ARHGAP23: variants seen among roughly 807,000 people sequenced by gnomAD.
ARHGAP23 encodes Rho GTPase activating protein 23, also known as rho GTPase-activating protein 23.
In ARHGAP23, 34 loss-of-function variants were observed where a neutral mutation model predicts 136.3. That is an observed-to-expected ratio of 0.25 (90% CI 0.19 to 0.33). The LOEUF (loss-of-function observed/expected upper bound fraction) is 0.33. Among genes scored for constraint, ARHGAP23 ranks in the 10% least tolerant of loss-of-function variants. The probability of loss-of-function intolerance (pLI) is 1.00; values close to 1 mark genes in which losing one functional copy is unlikely to be tolerated. For missense variants in ARHGAP23, 1,808 were observed against 2,139.0 expected, an observed-to-expected ratio of 0.85 and a Z score of 3.05; for synonymous variants, 832 against 920.5, an observed-to-expected ratio of 0.90 and a Z score of 1.74.
chr17:38,445,419 G>A (rs1200220698), intron 1 of ARHGAP23, among the ~76,000 whole-genome samples: 1 of 151,664 alleles, frequency 6.6e-6, no homozygotes, highest in East Asian at 1.9e-4. Flanking sequence ...AGAGGTTGCA[G>A]TGAGCTGAGA....
chr17:38,460,226 C>T (rs1235844686), intron 2 of ARHGAP23, among the ~76,000 whole-genome samples: 2 of 152,200 alleles, frequency 1.3e-5, no homozygotes, highest in African/African-American at 4.8e-5. Context: ...CACCCAGGTG[C>T]CAGAATCCTC....
intron 16 of ARHGAP23, among the ~76,000 whole-genome samples, chr17:38,483,912 G>A (rs1432956819): frequency 6.6e-6 from 1 of 152,210 alleles, no homozygotes; most frequent in East Asian, 1.9e-4. Context: ...TTAGGACAGA[G>A]AGTGGATCTA....
In ARHGAP23 at chr17:38,469,189, C is replaced by G; in HGVS notation, c.1694C>G (p.Pro565Arg). The G allele has an allele frequency of 6.4e-7, 1 of 1,551,676 alleles. No individual in the cohort carries two copies. Among genetic ancestry groups the G allele is most frequent in the East Asian group, 2.4e-5 (1 of 40,920 alleles). Residue 565 changes from proline (P) to arginine (R), a missense_variant, in exon 8 of 24, where the codon CCT becomes CGT. Physicochemically the swap from Pro to Arg is moderately radical, Grantham distance 103 (BLOSUM62 -2). Transcript: ENST00000622683. ...ATTGACCTCCAAGCCAAGCACGTCC[C>G]TGCCTCTGCTGTGGTCTCCAGTGCC... is the stretch of plus-strand genomic sequence containing the variant. Reference protein sequence around the residue: ...PSIDLQAKHVPASAVVSSAMN... With the variant: ...PSIDLQAKHVRASAVVSSAMN...
chr17:38,437,572 G>A (rs1301470326), intron 1 of ARHGAP23, among the ~76,000 whole-genome samples: 1 of 151,856 alleles, frequency 6.6e-6, no homozygotes, highest in Non-Finnish European at 1.5e-5. Context: ...AGCTATGATT[G>A]CACTGCTGCA....
At chr17:38,483,441 C>T (rs1443396768) in intron 16 of ARHGAP23, among the ~76,000 whole-genome samples, 1 of 152,216 alleles carries the variant, frequency 6.6e-6, no homozygotes, top group Non-Finnish European at 1.5e-5. Flanking sequence ...CTAGGGTTCC[C>T]CAGAGGGGCC....
At chr17:38,461,742 G>A (rs2039465127) in intron 3 of ARHGAP23, among the ~76,000 whole-genome samples, 1 of 152,162 alleles carries the variant, frequency 6.6e-6, no homozygotes, top group Non-Finnish European at 1.5e-5. Flanking sequence ...GGTGGGGGAT[G>A]TGAGTATTAG....
At position 38,510,135 on chromosome 17, in the gene ARHGAP23, G is replaced by A; in HGVS notation, c.3639G>A (p.Pro1213=). The A allele has an allele frequency of 1.3e-5, 16 of 1,268,546 alleles. 1 individual carries two copies. The highest frequency in any genetic ancestry group is 3.2e-5 in the South Asian group (1 of 30,772). 78.6% of individuals were successfully genotyped at this position (1,268,546 alleles called of 1,614,324 possible). A position where few individuals can be genotyped will look rare whatever the true frequency, so the allele number is the denominator to read the frequency against. The part of the protein sequence containing the change: ...GATAPGTQER[P]QGPLPGAVAP... ...CAGCGCCGGGGACTCAGGAGCGGCCGCAGGGGCCGCTGCCTGGCGCCGTCG... is the reference window on the plus strand; with the variant it reads ...CAGCGCCGGGGACTCAGGAGCGGCCACAGGGGCCGCTGCCTGGCGCCGTCG... Residue 1213 remains proline (P), a synonymous_variant, in exon 24 of 24, where the codon CCG becomes CCA. Coordinates refer to ENST00000622683, the MANE Select transcript of ARHGAP23 (RefSeq NM_001199417.2). This position sits in a 1 kb window ranked among gnomAD's most constrained non-coding sequence, Gnocchi z 4.6.
intron 20 of ARHGAP23, among the ~76,000 whole-genome samples, chr17:38,494,848 C>T (rs2040355964): frequency 6.6e-6 from 1 of 152,168 alleles, no homozygotes; most frequent in South Asian, 2.1e-4. Flanking sequence ...GTGGCAGGAA[C>T]TAGTGTGGAT....
rs1017478233 is a variant in ARHGAP23, at chr17:38,467,092, G to A, written c.1409G>A (p.Arg470Gln). The change falls in exon 7 of 24, where the codon CGG becomes CAG. Residue 470 changes from arginine (R) to glutamine (Q), a missense_variant. By Grantham distance (43) the Arg-to-Gln change is conservative (BLOSUM62 1). This residue lies in a region of ARHGAP23 where 859 missense variants were observed against 936.4 expected (regional missense o/e 0.92). Coordinates refer to ENST00000622683, the MANE Select transcript of ARHGAP23 (RefSeq NM_001199417.2). ...PEASEPPRVV[R>Q]PEPSTRALEP... ...GCCTCCGAGCCACCCAGGGTTGTAC[G>A]GCCGGAACCCAGCACCCGGGCCCTG... 3.9e-6 allele frequency: 6 copies of A among 1,550,548 alleles called. No individual in the cohort carries two copies. The highest frequency in any genetic ancestry group is 2.4e-5 in the South Asian group (2 of 84,058).
chr17:38,464,669 A>G (rs997188854), intron 6 of ARHGAP23, among the ~76,000 whole-genome samples: 1 of 152,168 alleles, frequency 6.6e-6, no homozygotes, highest in Non-Finnish European at 1.5e-5. Context: ...AGGCGAGGCC[A>G]GCTATGGGGC....
intron 1 of ARHGAP23, among the ~76,000 whole-genome samples, chr17:38,439,216 C>G (rs1387677423): frequency 6.6e-6 from 1 of 151,890 alleles, no homozygotes; most frequent in East Asian, 1.9e-4. Flanking sequence ...ACCCTCTTCC[C>G]CTTTCCAGAA....
At chr17:38,485,879 T>C (rs544179802) in intron 16 of ARHGAP23, among the ~76,000 whole-genome samples, 183 bp from the exon 17 acceptor site, 49 of 152,090 alleles carry the variant, frequency 3.2e-4, no homozygotes, top group African/African-American at 1.1e-3. Context: ...CAAGTGTGAG[T>C]GTGGGCACAG....
chr17:38,443,969 G>C (rs900235340), intron 1 of ARHGAP23, among the ~76,000 whole-genome samples: 15 of 152,112 alleles, frequency 9.9e-5, no homozygotes, highest in African/African-American at 3.4e-4. Flanking sequence ...ACTGTCCAGC[G>C]TGAGACCAGG....
intron 20 of ARHGAP23, among the ~76,000 whole-genome samples, chr17:38,495,190 C>T (rs1344287938): frequency 4.0e-5 from 6 of 151,880 alleles, no homozygotes; most frequent in African/African-American, 1.5e-4. Context: ...TGAACTTGAA[C>T]CAAGATGACT....
chr17:38,469,938 G>A, intron 10 of ARHGAP23, 34 bp downstream of exon 10: 2 of 1,550,638 alleles, frequency 1.3e-6, no homozygotes, highest in Non-Finnish European at 1.7e-6. Context: ...GTGCGCAGGA[G>A]CGAGGGTGTG....
rs1204745428 is a variant in ARHGAP23 at position 38,482,139 on chromosome 17, A to G, written c.2747A>G (p.Asn916Ser). 19 of 1,548,538 alleles carry G rather than the reference A, an allele frequency of 1.2e-5. No individual in the cohort carries two copies. In the Admixed American group the frequency reaches 3.6e-4, roughly 29 times the overall value. ...RLEECQPATE[N>S]QRVPLIVAAC... ...GAGGAGTGCCAGCCAGCCACGGAGAACCAGGTGAGTCTCTGCCACACGCCA... is the reference window on the plus strand; with the variant it reads ...GAGGAGTGCCAGCCAGCCACGGAGAGCCAGGTGAGTCTCTGCCACACGCCA... Residue 916 changes from asparagine to serine, a missense_variant, in exon 15 of 24, where the codon AAC (asparagine) becomes AGC (serine). Transcript: ENST00000622683.
At position 38,446,909 on chromosome 17, in the gene ARHGAP23, G is replaced by A. The variant is rs188689160; in HGVS notation, c.64-11193G>A. On this transcript the variant is annotated intron_variant, in intron 1 of 23. Coordinates refer to ENST00000622683, the MANE Select transcript of ARHGAP23 (RefSeq NM_001199417.2). The stretch of plus-strand genomic sequence containing the variant: ...GCTCACTGCAGCCTCCAACTCCTGG[G>A]TTCAAGGGATCCTCCCACCTCAGCC... 8.1e-4 allele frequency among the ~76,000 whole-genome samples: 123 copies of A among 152,114 alleles called. 1 individual carries two copies. The highest frequency in any genetic ancestry group is 3.4e-3 in the Middle Eastern group (1 of 294).
Position 38,458,112 on chromosome 17 carries a change from G to A in ARHGAP23, c.74G>A (p.Gly25Asp). The A allele has an allele frequency of 6.5e-7, 1 of 1,536,122 alleles. No individual in the cohort carries two copies. Among genetic ancestry groups the A allele is most frequent in the Non-Finnish European group, 8.7e-7 (1 of 1,146,912 alleles). The change falls in exon 2 of 24, where the codon GGC becomes GAC. Residue 25 changes from glycine to aspartate, a missense_variant. Coordinates refer to ENST00000622683, the MANE Select transcript of ARHGAP23 (RefSeq NM_001199417.2). ...PEPRPPQLPLGPRDGCSPRRP... is the reference protein window; with the variant it reads ...PEPRPPQLPLDPRDGCSPRRP... ...CTCTGTCTCCCACAGCTGCCACTGG[G>A]CCCAAGAGATGGGTGCTCTCCTAGG...
At chr17:38,485,784 C>CT (rs1326816382) in intron 16 of ARHGAP23, among the ~76,000 whole-genome samples, 1 of 152,234 alleles carries the variant, frequency 6.6e-6, no homozygotes, top group African/African-American at 2.4e-5. Flanking sequence ...CTGCCACTCA[C>CT]TGTCTCCCCA....
Sources: gnomAD v4.1 joint callset for allele counts (sites outside exome capture counted in the v4.1 genomes callset) on GRCh38, gnomAD v4.1.1 for gene constraint, gnomAD v4.1.1 regional missense constraint, Gnocchi (gnomAD v3.1) non-coding constraint, MANE v1.5 for transcripts, NCBI Gene and HGNC (gene_info 2026-07-23, HGNC 2026-07-21) for gene names.